Variants in PARVB observed in about 807,000 individuals in gnomAD.
The protein encoded by PARVB is beta-parvin.
In PARVB, 46 loss-of-function variants were observed where a neutral mutation model predicts 47.0. That is an observed-to-expected ratio of 0.98 (90% CI 0.77 to 1.25). The LOEUF (loss-of-function observed/expected upper bound fraction) is 1.25, where lower values mean the gene tolerates loss of function less well. Among genes scored for constraint, PARVB ranks in the 50% most tolerant of loss-of-function variants. The probability of loss-of-function intolerance (pLI) is 0.00; values close to 1 mark genes in which losing one functional copy is unlikely to be tolerated. For missense variants in PARVB, 473 were observed against 471.6 expected (o/e 1.00, Z -0.03); for synonymous variants, 196 against 196.3 (o/e 1.00, Z 0.01).
rs144644344 is a variant in PARVB at position 44,011,558 on chromosome 22, G to C, written c.211+11885G>C. Among the ~76,000 whole-genome samples, 820 of 152,270 alleles carry C rather than the reference G, an allele frequency of 5.4e-3. 13 individuals are homozygous for C. Among genetic ancestry groups the C allele is most frequent in the African/African-American group, 0.019 (773 of 41,544 alleles). On this transcript the variant is annotated intron_variant, in intron 2 of 13. Transcript: ENST00000406477. ...TGCTGGTGCTTGAACCTGGGAGGCA[G>C]AGGTTGCAGTGAGCCAAGATCACAC... is the stretch of plus-strand genomic sequence containing the variant.
intron 1 of PARVB, among the ~76,000 whole-genome samples, chr22:44,080,298 T>C (rs1288845158): frequency 6.6e-6 from 1 of 152,218 alleles, no homozygotes; most frequent in Non-Finnish European, 1.5e-5. Flanking sequence ...TCTATTATTT[T>C]ACAGTTCTGG....
intron 4 of PARVB, among the ~76,000 whole-genome samples, chr22:44,120,728 T>TGTA (rs59322738): frequency 0.12 from 18,557 of 152,074 alleles, 3,689 homozygotes; most frequent in African/African-American, 0.42. Flanking sequence ...CAGGCTGGAG[T>TGTA]GTAGTGGGGT....
At position 44,136,388 on chromosome 22, in the gene PARVB, G is replaced by A. The variant is rs868543124; in HGVS notation, c.634-72G>A. On this transcript the variant is annotated intron_variant, in intron 6 of 12. Transcript: ENST00000338758. ...AGATGATCTCCGGCCCCGCAGCTTC[G>A]TCTGCCCTGTCAGTGCATCTTTCCT... is the stretch of plus-strand genomic sequence containing the variant. 1.6e-4 allele frequency: 213 copies of A among 1,359,894 alleles called. No individual in the cohort carries two copies. The Middle Eastern group carries it at 4.2e-3, about 27-fold the overall frequency. The allele number at this position is 1,359,894 out of a possible 1,614,324, so 84.2% of individuals were successfully genotyped here.
chr22:44,002,588 C>T (rs1307881602), intron 2 of PARVB, among the ~76,000 whole-genome samples: 1 of 152,106 alleles, frequency 6.6e-6, no homozygotes, highest in Non-Finnish European at 1.5e-5. Context: ...ACCTGCCAAT[C>T]CCAGTGGGTT....
In PARVB at chr22:44,132,902, G is replaced by C. The variant is rs940392183; in HGVS notation, c.526G>C (p.Gly176Arg). The C allele has an allele frequency of 1.9e-6, 3 of 1,612,632 alleles. No individual in the cohort carries two copies. Among genetic ancestry groups the C allele is most frequent in the Non-Finnish European group, 2.5e-6 (3 of 1,178,898 alleles). ...ALRWSVDSIH[G>R]KNLVAILHLL... is the part of the protein sequence containing the mutation. ...CCTCCTTCCTCCTGCAGCAATTCAC[G>C]GGAAGAACCTGGTGGCCATCCTCCA... The change falls in exon 6 of 13, where the codon GGG (glycine) becomes CGG (arginine). Residue 176 changes from glycine (G) to arginine (R), a missense_variant. By Grantham distance (125) the Gly-to-Arg change is moderately radical. Transcript: ENST00000338758.
chr22:44,151,348 G>A, intron 9 of PARVB, 135 bp from the exon 10 acceptor site: 2 of 672,494 alleles, frequency 3.0e-6, no homozygotes, highest in Admixed American at 2.4e-5. Flanking sequence ...TGAAACATGG[G>A]CTTTTTATTT....
At chr22:44,011,424 C>T (rs2050521935) in intron 2 of PARVB, among the ~76,000 whole-genome samples, 1 of 151,982 alleles carries the variant, frequency 6.6e-6, no homozygotes, top group East Asian at 2.0e-4. Flanking sequence ...ACCAGCCTGG[C>T]CAACATGATG....
intron 2 of PARVB, among the ~76,000 whole-genome samples, chr22:44,008,126 A>C (rs1390728494): frequency 1.3e-5 from 2 of 152,024 alleles, no homozygotes; most frequent in African/African-American, 4.8e-5. Flanking sequence ...TTTGAGACAG[A>C]GTCTTGCTCT....
upstream of PARVB, among the ~76,000 whole-genome samples, chr22:44,021,612 G>A (rs546495381): frequency 2.6e-5 from 4 of 152,206 alleles, no homozygotes; most frequent in South Asian, 6.2e-4. Context: ...AATAACAAGG[G>A]TGATGGGAAT....
intron 1 of PARVB, among the ~76,000 whole-genome samples, chr22:44,064,043 C>G (rs947271553): frequency 4.6e-5 from 7 of 152,234 alleles, no homozygotes; most frequent in African/African-American, 1.7e-4. Flanking sequence ...TCACCTGTCT[C>G]ATGCCCTGCC....
rs376471300 is a variant in PARVB at position 44,128,435 on chromosome 22, G to A, written c.377-3052G>A. Among the ~76,000 whole-genome samples the A allele has an allele frequency of 3.7e-4, 56 of 152,326 alleles. No homozygotes were observed. In the East Asian group the frequency reaches 5.6e-3, roughly 15 times the overall value. ...CAACAGAGCCCTGAGCTGCTCCTGC[G>A]GCCCCCGCCAGTGGGCACAGTGATG... On this transcript the variant is annotated intron_variant, in intron 4 of 12. Coordinates refer to ENST00000338758, the MANE Select transcript of PARVB (RefSeq NM_013327.5).
chr22:44,133,734 G>A (rs976561650), intron 6 of PARVB, among the ~76,000 whole-genome samples: 1 of 151,986 alleles, frequency 6.6e-6, no homozygotes, highest in Non-Finnish European at 1.5e-5. Context: ...ACAAGGTCTC[G>A]CTATGTTGCC....
At chr22:44,038,780 TCAAAAAC>T (rs756611127) in intron 1 of PARVB, among the ~76,000 whole-genome samples, 1 of 151,812 alleles carries the variant, frequency 6.6e-6, no homozygotes, top group South Asian at 2.1e-4. Context: ...AGACTCCATC[TCAAAAAC>T]CAAAAACCAA....
intron 7 of PARVB, among the ~76,000 whole-genome samples, chr22:44,137,621 C>T (rs749279775): frequency 2.0e-4 from 31 of 152,148 alleles, no homozygotes; most frequent in South Asian, 6.2e-4. Context: ...CCAGTCTCGC[C>T]TGGGGTTGCT....
intron 2 of PARVB, among the ~76,000 whole-genome samples, chr22:44,016,474 TG>T (rs539352212): frequency 2.1e-4 from 32 of 152,192 alleles, no homozygotes; most frequent in Non-Finnish European, 3.2e-4. Flanking sequence ...TCTGTGGCTG[TG>T]AGACAATGAA....
In PARVB at chr22:44,052,818, C is replaced by T. The variant is rs533912281; in HGVS notation, c.112+28367C>T. Among the ~76,000 whole-genome samples the T allele has an allele frequency of 2.6e-5, 4 of 152,256 alleles. No individual in the cohort carries two copies. In the East Asian group the frequency reaches 5.8e-4, roughly 22 times the overall value. ...ATTAGTTGGGTGTGTTGGTGCTCAC[C>T]TGTAGTCTCAGCTACTTGGGAGGCT... On this transcript the variant is annotated intron_variant, in intron 1 of 12. Coordinates refer to ENST00000338758, the MANE Select transcript of PARVB (RefSeq NM_013327.5).
intron 1 of PARVB, among the ~76,000 whole-genome samples, chr22:44,079,023 G>C (rs573926983): frequency 6.6e-6 from 1 of 152,160 alleles, no homozygotes; most frequent in Admixed American, 6.5e-5. Flanking sequence ...CACCGCGCCC[G>C]GCCCCTGTGA....
chr22:44,145,790 G>A (rs558490143), intron 8 of PARVB: 5 of 152,184 alleles, frequency 3.3e-5, no homozygotes, highest in South Asian at 2.1e-4. Flanking sequence ...CCAGCCCAGC[G>A]GTGGCCCAGC....
At chr22:44,093,355 G>A (rs2052219013) in intron 1 of PARVB, among the ~76,000 whole-genome samples, 2 of 152,320 alleles carry the variant, frequency 1.3e-5, no homozygotes, top group Middle Eastern at 3.4e-3. Flanking sequence ...TTCTGACTTG[G>A]AGCCTCTGGC....
Sources: allele counts gnomAD v4.1 joint callset (sites outside exome capture counted in the v4.1 genomes callset), GRCh38; gene constraint gnomAD v4.1.1; transcripts MANE v1.5; gene names NCBI Gene and HGNC (gene_info 2026-07-23, HGNC 2026-07-21).